Variants in ADCY7 observed in about 807,000 individuals in gnomAD.
ADCY7 encodes the protein adenylate cyclase 7, also known as adenylate cyclase type 7.
In ADCY7, 72 loss-of-function variants were observed where a neutral mutation model predicts 120.6. That is an observed-to-expected ratio of 0.60 (90% CI 0.49 to 0.73). ADCY7 has a LOEUF of 0.73. Ranked by LOEUF, ADCY7 falls within the 30% of genes least tolerant of loss-of-function variation. ADCY7 has a pLI of 0.00. For missense variants in ADCY7, 1,227 were observed against 1,486.0 expected (o/e 0.83, Z 2.87); for synonymous variants, 661 against 628.0 (o/e 1.05, Z -0.78).
At chr16:50,312,713 C>T (rs1319923003) in intron 21 of ADCY7, among the ~76,000 whole-genome samples, 177 bp from the exon 22 acceptor site, 3 of 152,114 alleles carry the variant, frequency 2.0e-5, no homozygotes, top group Admixed American at 6.5e-5. Flanking sequence ...CCTGGCCACC[C>T]AATTCTTAAT....
intron 1 of ADCY7, among the ~76,000 whole-genome samples, chr16:50,257,415 A>T (rs1241682185): frequency 6.6e-6 from 1 of 152,186 alleles, no homozygotes; most frequent in East Asian, 1.9e-4. Flanking sequence ...CAGCATGGTG[A>T]CTATAGTTAA....
At chr16:50,312,761 C>A in intron 21 of ADCY7, 129 bp from the exon 22 acceptor site, 1 of 719,324 alleles carries the variant, frequency 1.4e-6, no homozygotes, top group Non-Finnish European at 2.1e-6. Context: ...TCATGCAGCC[C>A]GCCCCCCTCC....
At chr16:50,265,473 C>T (rs1404264242), upstream of ADCY7, among the ~76,000 whole-genome samples, 2 of 152,214 alleles carry the variant, frequency 1.3e-5, no homozygotes, top group African/African-American at 4.8e-5. Flanking sequence ...TGTTCAGTTC[C>T]TCCTGATCAG....
chr16:50,275,252 G>A (rs2150862366), intron 1 of ADCY7, among the ~76,000 whole-genome samples: 1 of 152,352 alleles, frequency 6.6e-6, no homozygotes, highest in Admixed American at 6.5e-5. Context: ...AGGTGCATGG[G>A]CTGGTCCCGC....
At chr16:50,265,227 T>C (rs4785206), upstream of ADCY7, among the ~76,000 whole-genome samples, 147,376 of 152,294 alleles carry the variant, frequency 0.97, 71,506 homozygotes, top group East Asian at 1. Flanking sequence ...TTTCCCCTCT[T>C]TTGATGATGA....
intron 1 of ADCY7, among the ~76,000 whole-genome samples, chr16:50,246,639 C>T (rs2032596631): frequency 6.6e-6 from 1 of 152,194 alleles, no homozygotes; most frequent in Admixed American, 6.5e-5. Flanking sequence ...GGGCGCAGGA[C>T]CGGGCTGTGG....
At chr16:50,284,326 C>T (rs1008175004) in intron 1 of ADCY7, among the ~76,000 whole-genome samples, 12 of 152,328 alleles carry the variant, frequency 7.9e-5, no homozygotes, top group Middle Eastern at 3.4e-3. Context: ...GCCTGCCTGC[C>T]GTTGCCCAGA....
In ADCY7 at chr16:50,315,695, C is replaced by T; in HGVS notation, c.*190C>T. On this transcript the variant is annotated 3_prime_UTR_variant, in exon 26 of 26. Coordinates refer to ENST00000673801, the MANE Select transcript of ADCY7 (RefSeq NM_001114.5). ...ATTCTGGCTCGAAGCAGCCACTGAG[C>T]CATAATGCGCAGGGGAGGCCAGAAG... is the stretch of plus-strand genomic sequence containing the variant. 1 of 668,988 alleles carries T rather than the reference C, an allele frequency of 1.5e-6. No individual in the cohort carries two copies. Among genetic ancestry groups the T allele is most frequent in the Non-Finnish European group, 2.4e-6 (1 of 410,256 alleles). The allele number at this position is 668,988 out of a possible 1,614,324, so 41.4% of individuals were successfully genotyped here. A position where few individuals can be genotyped will look rare whatever the true frequency, so the allele number is the denominator to read the frequency against.
At chr16:50,312,433 T>C (rs1180199511) in intron 21 of ADCY7, among the ~76,000 whole-genome samples, 1 of 152,196 alleles carries the variant, frequency 6.6e-6, no homozygotes, top group Admixed American at 6.5e-5. Flanking sequence ...GGTCTTCACC[T>C]CTGTAAAATG....
intron 3 of ADCY7, 57 bp from the exon 4 acceptor site, chr16:50,291,679 G>A (rs1246219634): frequency 1.2e-6 from 2 of 1,607,406 alleles, no homozygotes; most frequent in Admixed American, 1.7e-5. Context: ...GGTTCCGGGG[G>A]CTGTACGGCC....
rs2034862362 is a variant in ADCY7, at chr16:50,290,337, C to T, written c.172-120C>T. On this transcript the variant is annotated intron_variant, in intron 2 of 25. Transcript: ENST00000673801. Reference sequence around the variant, plus strand: ...AGTGGGAACCAGGTGTGGGAGGGTGCATCCACACCCTTCACGTGGAGGAAG... The same window carrying T: ...AGTGGGAACCAGGTGTGGGAGGGTGTATCCACACCCTTCACGTGGAGGAAG... 3 of 1,053,660 alleles carry T rather than the reference C, an allele frequency of 2.8e-6. No individual in the cohort carries two copies. The South Asian group carries it at 4.6e-5, about 16-fold the overall frequency. The allele number at this position is 1,053,660 out of a possible 1,614,324, so 65.3% of individuals were successfully genotyped here.
At chr16:50,255,402 GA>G (rs60335173) in intron 1 of ADCY7, among the ~76,000 whole-genome samples, 1,830 of 108,124 alleles carry the variant, frequency 0.017, 58 homozygotes, top group African/African-American at 0.064. Context: ...TCTGTTTCTG[GA>G]AAAAAAAAAA....
At chr16:50,298,769 G>C in intron 7 of ADCY7, 135 bp from the exon 8 acceptor site, 1 of 1,296,840 alleles carries the variant, frequency 7.7e-7, no homozygotes, top group Non-Finnish European at 1.1e-6. Flanking sequence ...AGTGGCTCCT[G>C]GTGACTGGAC....
At position 50,290,680 on chromosome 16, in the gene ADCY7, C is replaced by T; in HGVS notation, c.375+20C>T. The T allele has an allele frequency of 6.2e-7, 1 of 1,604,148 alleles. No homozygotes were observed. Among genetic ancestry groups the T allele is most frequent in the East Asian group, 2.2e-5 (1 of 44,716 alleles). The stretch of plus-strand genomic sequence containing the variant: ...GAGCAGGTAACAGGAACTCTGGACT[C>T]CCTGCCAGCTGCGCCTTCAGCAGCT... On this transcript the variant is annotated intron_variant, in intron 3 of 25. Transcript: ENST00000673801.
intron 1 of ADCY7, among the ~76,000 whole-genome samples, chr16:50,268,926 A>G (rs764454928): frequency 1.3e-4 from 20 of 152,280 alleles, no homozygotes; most frequent in Non-Finnish European, 2.4e-4. Flanking sequence ...AGTCCCAGCT[A>G]CTTGGGAGGC....
At position 50,308,332 on chromosome 16, in the gene ADCY7, C is replaced by T. The variant is rs1393903276; in HGVS notation, c.1856C>T (p.Ala619Val). The change falls in exon 16 of 26, where the codon GCG (alanine) becomes GTG (valine). Residue 619 changes from alanine (A) to valine (V), a missense_variant. Physicochemically the swap from Ala to Val is moderately conservative, Grantham distance 64. This residue lies in a region of ADCY7 where 267 missense variants were observed against 270.0 expected (regional missense o/e 0.99). Coordinates refer to ENST00000673801, the MANE Select transcript of ADCY7 (RefSeq NM_001114.5). ...LVHVLLMPRT[A>V]ALGVSFGLVA... ...GGTTCTTCCCTCCTCTCCAGGACGG[C>T]GGCACTGGGTGTGTCCTTCGGGCTG... is the stretch of plus-strand genomic sequence containing the variant. 47 of 1,614,040 alleles carry T rather than the reference C, an allele frequency of 2.9e-5. No individual in the cohort carries two copies. The highest frequency in any genetic ancestry group is 3.7e-5 in the Non-Finnish European group (44 of 1,180,046).
chr16:50,281,832 C>T (rs996440927), intron 1 of ADCY7, among the ~76,000 whole-genome samples: 1 of 152,242 alleles, frequency 6.6e-6, no homozygotes, highest in Non-Finnish European at 1.5e-5. Context: ...CTGGGCAGAG[C>T]AGCTGCTGGC....
intron 22 of ADCY7, chr16:50,313,285 G>T: frequency 2.6e-6 from 1 of 384,868 alleles, no homozygotes; most frequent in Admixed American, 3.8e-5. Context: ...GCTGGGCTTG[G>T]GGCGCACACC....
chr16:50,267,234 C>T (rs973381210), intron 1 of ADCY7, among the ~76,000 whole-genome samples: 6 of 152,256 alleles, frequency 3.9e-5, no homozygotes, highest in Non-Finnish European at 8.8e-5. Flanking sequence ...CCCCAGGGAC[C>T]GCATGGGCCA....
Sources: gnomAD v4.1 joint callset for allele counts (sites outside exome capture counted in the v4.1 genomes callset) on GRCh38, gnomAD v4.1.1 for gene constraint, gnomAD v4.1.1 regional missense constraint, MANE v1.5 for transcripts, NCBI Gene and HGNC (gene_info 2026-07-23, HGNC 2026-07-21) for gene names.